The following SLC48A1 variants were observed in gnomAD, a reference collection of about 807,000 sequenced individuals.
The protein encoded by SLC48A1 is heme transporter HRG1.
SLC48A1 carries 6 observed loss-of-function variants against 14.8 expected under a neutral mutation model. The ratio of observed to expected loss-of-function variants is 0.41; its 90% confidence interval spans 0.22 to 0.80. SLC48A1 has a LOEUF of 0.80. Ranked by LOEUF, SLC48A1 falls within the 30% of genes least tolerant of loss-of-function variation. The pLI, the probability that SLC48A1 is intolerant of heterozygous loss-of-function variation, is 0.34. For missense variants in SLC48A1, 165 were observed against 204.8 expected, an observed-to-expected ratio of 0.81 and a Z score of 1.19; for synonymous variants, 89 against 90.0, an observed-to-expected ratio of 0.99 and a Z score of 0.06.
At chr12:47,754,910 G>T (rs1346575261), upstream of SLC48A1, among the ~76,000 whole-genome samples, 3 of 152,174 alleles carry the variant, frequency 2.0e-5, no homozygotes, top group East Asian at 1.9e-4. Flanking sequence ...CAGCACTGTG[G>T]CCTGCCCCAC....
chr12:47,781,153 C>G lies in SLC48A1; in HGVS notation c.*872C>G, dbSNP rs1349961662. 6.3e-6 allele frequency: 2 copies of G among 318,146 alleles called. No homozygotes were observed. Among genetic ancestry groups the G allele is most frequent in the Admixed American group, 4.6e-5 (1 of 21,678 alleles). The allele number at this position is 318,146 out of a possible 1,614,324, so 19.7% of individuals were successfully genotyped here. On this transcript the variant is annotated 3_prime_UTR_variant, in exon 3 of 3. Transcript: ENST00000442218. ...TGCTAGAGCCAGATAGCCGTGGCCC[C>G]CCACCCATCTCACTCACACACACAG...
chr12:47,767,955 G>A (rs753934192), upstream of SLC48A1, among the ~76,000 whole-genome samples: 1 of 152,090 alleles, frequency 6.6e-6, no homozygotes, highest in Non-Finnish European at 1.5e-5. Context: ...ACCATGTTCT[G>A]GTTGTTATTT....
upstream of SLC48A1, chr12:47,773,205 G>A (rs1227875912): frequency 2.9e-6 from 3 of 1,039,004 alleles, no homozygotes; most frequent in East Asian, 7.4e-5. Flanking sequence ...CGGGGCGCCG[G>A]CTGCTCTGGC....
chr12:47,775,802 C>T (rs577686478), intron 1 of SLC48A1, among the ~76,000 whole-genome samples: 1 of 152,200 alleles, frequency 6.6e-6, no homozygotes, highest in East Asian at 1.9e-4. Flanking sequence ...AGAGTGTTCA[C>T]GGGTGGGGAT....
intron 1 of SLC48A1, among the ~76,000 whole-genome samples, chr12:47,775,326 G>A (rs1942724257): frequency 2.0e-5 from 3 of 152,200 alleles, no homozygotes. Flanking sequence ...GGCCTATGAG[G>A]CAGGCCAGCT....
rs1350088449 is a variant in SLC48A1, at chr12:47,779,178, C to T, written c.287C>T (p.Ala96Val). Reference sequence around the variant, plus strand: ...GCCTTCTGCACCTTCCTCGTGCTGGCCATCACCCGGCATCAGAGTGAGGGC... The same window carrying T: ...GCCTTCTGCACCTTCCTCGTGCTGGTCATCACCCGGCATCAGAGTGAGGGC... ...IAAFCTFLVLAITRHQSLTDP... is the reference protein window; with the variant it reads ...IAAFCTFLVLVITRHQSLTDP... Residue 96 changes from alanine (A) to valine (V), a missense_variant, in exon 2 of 3, where the codon GCC (alanine) becomes GTC (valine). Ala to Val is a moderately conservative substitution (Grantham distance 64, BLOSUM62 0). Transcript: ENST00000442218. The T allele has an allele frequency of 1.3e-6, 2 of 1,551,400 alleles. No individual in the cohort carries two copies. Among genetic ancestry groups the T allele is most frequent in the African/African-American group, 1.4e-5 (1 of 73,032 alleles).
chr12:47,771,978 C>T (rs1942638151), upstream of SLC48A1, among the ~76,000 whole-genome samples: 1 of 151,914 alleles, frequency 6.6e-6, no homozygotes, highest in Admixed American at 6.6e-5. Flanking sequence ...CCTAGAGCCT[C>T]CAGAAACAAG....
Position 47,762,410 on chromosome 12 carries a change from CA to C in SLC48A1, c.-187+2012del, listed in dbSNP as rs1368263269. 2.0e-5 allele frequency among the ~76,000 whole-genome samples: 3 copies of C among 152,260 alleles called. No homozygotes were observed. The East Asian group carries it at 5.8e-4, about 29-fold the overall frequency. On this transcript the variant is annotated intron_variant, in intron 2 of 4. Coordinates refer to the SLC48A1 transcript ENST00000547002. ...TCTGCCTCTCTCAGCTCCCTGTTCCCAAACTCCACTACTGCCTAAGTGAGGA... is the reference window on the plus strand; with the variant it reads ...TCTGCCTCTCTCAGCTCCCTGTTCCCAACTCCACTACTGCCTAAGTGAGGA...
At chr12:47,770,807 A>T (rs1406882121), upstream of SLC48A1, 1 of 456,520 alleles carries the variant, frequency 2.2e-6, no homozygotes, top group Admixed American at 2.3e-5. Flanking sequence ...CTAATCTCCA[A>T]ACCCGCTACT....
At chr12:47,765,822 G>A (rs548276755) in intron 2 of SLC48A1, among the ~76,000 whole-genome samples, 1 of 152,328 alleles carries the variant, frequency 6.6e-6, no homozygotes, top group East Asian at 1.9e-4. Context: ...TGCCTTGCGT[G>A]GTCAGTGCCT....
intron 1 of SLC48A1, among the ~76,000 whole-genome samples, chr12:47,776,313 T>A (rs1942752546): frequency 6.6e-6 from 1 of 152,188 alleles, no homozygotes; most frequent in South Asian, 2.1e-4. Flanking sequence ...ACAGGTAGGA[T>A]GGAGCAACGG....
chr12:47,758,259 C>T, upstream of SLC48A1: 1 of 1,433,594 alleles, frequency 7.0e-7, no homozygotes, highest in Non-Finnish European at 9.1e-7. Flanking sequence ...GCCTGCCGGT[C>T]TGGCGCACTT....
At chr12:47,773,587 C>G (rs1286314456) in intron 1 of SLC48A1, 147 bp downstream of exon 1, 2 of 1,204,042 alleles carry the variant, frequency 1.7e-6, no homozygotes, top group Non-Finnish European at 2.1e-6. Flanking sequence ...GGCGGCAGGC[C>G]CCACGCGGGC....
At chr12:47,763,976 G>T (rs1447099201) in intron 2 of SLC48A1, among the ~76,000 whole-genome samples, 1 of 152,204 alleles carries the variant, frequency 6.6e-6, no homozygotes, top group Non-Finnish European at 1.5e-5. Context: ...GGGCTGGAGG[G>T]TAGGGACAGG....
chr12:47,764,602 G>T (rs1436761634), intron 2 of SLC48A1, among the ~76,000 whole-genome samples: 1 of 152,206 alleles, frequency 6.6e-6, no homozygotes, highest in Admixed American at 6.5e-5. Flanking sequence ...GGCTGGGGCA[G>T]GGGGAGGATG....
At chr12:47,756,386 A>G (rs1427873266), upstream of SLC48A1, 1 of 152,090 alleles carries the variant, frequency 6.6e-6, no homozygotes, top group East Asian at 1.9e-4. Flanking sequence ...GTTCCAGCCC[A>G]CTGGCTCCAG....
chr12:47,757,978 G>A (rs777678433), upstream of SLC48A1: 21 of 1,566,728 alleles, frequency 1.3e-5, no homozygotes, highest in East Asian at 4.7e-5. Context: ...TGTCCCCTCC[G>A]GCACCACGTC....
chr12:47,758,808 G>C (rs1555193098), intron 1 of SLC48A1: 1 of 1,234,514 alleles, frequency 8.1e-7, no homozygotes, highest in African/African-American at 1.6e-5. Flanking sequence ...CCGGCGACAG[G>C]GAGCCCCGAG....
chr12:47,775,171 A>C (rs1481522758), intron 1 of SLC48A1, among the ~76,000 whole-genome samples: 4 of 152,122 alleles, frequency 2.6e-5, no homozygotes, highest in African/African-American at 9.7e-5. Context: ...CAGATCTGAA[A>C]TCTTGCAGTG....
Sources: gnomAD v4.1 joint callset for allele counts (sites outside exome capture counted in the v4.1 genomes callset) on GRCh38, gnomAD v4.1.1 for gene constraint, MANE v1.5 for transcripts, NCBI Gene and HGNC (gene_info 2026-07-23, HGNC 2026-07-21) for gene names.